The following RUNX2 variants were observed in gnomAD, a reference collection of about 807,000 sequenced individuals.
RUNX2 encodes RUNX family transcription factor 2, also known as runt-related transcription factor 2.
RUNX2 carries 10 observed loss-of-function variants against 51.7 expected under a neutral mutation model. The ratio of observed to expected loss-of-function variants is 0.19; its 90% CI spans 0.12 to 0.33. RUNX2 has a LOEUF of 0.33. RUNX2 is among the 10% of genes least tolerant of loss of function. The pLI is 1.00. For missense variants in RUNX2, 562 were observed against 691.3 expected, an observed-to-expected ratio of 0.81 and a Z score of 2.10; for synonymous variants, 276 against 273.6, an observed-to-expected ratio of 1.01 and a Z score of -0.09.
chr6:45,485,689 G>GTATATATATATA (rs1563107039), intron 5 of RUNX2, among the ~76,000 whole-genome samples: 1 of 75,678 alleles, frequency 1.3e-5, no homozygotes, highest in African/African-American at 4.9e-5. Flanking sequence ...GTGTGTGTGT[G>GTATATATATATA]TGTGTGTGTA....
chr6:45,399,374 T>TTTTTTTTC, intron 2 of RUNX2, among the ~76,000 whole-genome samples: 1 of 129,164 alleles, frequency 7.7e-6, no homozygotes, highest in Non-Finnish European at 1.6e-5. Context: ...TTTTTTTTTT[T>TTTTTTTTC]TTTGAGATGG....
chr6:45,399,374 T>TTTTTTTC (rs1200862976), intron 2 of RUNX2, among the ~76,000 whole-genome samples: 13 of 129,164 alleles, frequency 1.0e-4, no homozygotes, highest in Admixed American at 1.6e-4. Context: ...TTTTTTTTTT[T>TTTTTTTC]TTTGAGATGG....
intron 2 of RUNX2, among the ~76,000 whole-genome samples, chr6:45,420,774 G>A (rs1301545576): frequency 6.6e-6 from 1 of 152,186 alleles, no homozygotes; most frequent in African/African-American, 2.4e-5. Context: ...GGATTTCCCG[G>A]CTTCTGCGGG....
At chr6:45,384,913 A>G (rs1350790078) in intron 2 of RUNX2, among the ~76,000 whole-genome samples, 1 of 151,812 alleles carries the variant, frequency 6.6e-6, no homozygotes, top group Non-Finnish European at 1.5e-5. Flanking sequence ...TATGTTGCCC[A>G]AGCTGATCTC....
At chr6:45,520,062 C>T (rs1801458324) in intron 7 of RUNX2, among the ~76,000 whole-genome samples, 2 of 152,036 alleles carry the variant, frequency 1.3e-5, no homozygotes, top group East Asian at 1.9e-4. Context: ...GAACTCCTGA[C>T]CTCAGGTGAT....
intron 6 of RUNX2, among the ~76,000 whole-genome samples, chr6:45,494,650 G>A (rs929121995): frequency 6.6e-6 from 1 of 152,114 alleles, no homozygotes; most frequent in Non-Finnish European, 1.5e-5. Flanking sequence ...TATTGTGAGT[G>A]AGAGAATGCC....
At chr6:45,436,844 G>A (rs917943105) in intron 4 of RUNX2, among the ~76,000 whole-genome samples, 1 of 152,126 alleles carries the variant, frequency 6.6e-6, no homozygotes, top group Non-Finnish European at 1.5e-5. Context: ...TTCAGTAAGG[G>A]AAAAAGAATC....
intron 6 of RUNX2, among the ~76,000 whole-genome samples, chr6:45,510,838 C>A (rs1801121039): frequency 6.6e-6 from 1 of 151,674 alleles, no homozygotes; most frequent in South Asian, 2.1e-4. Context: ...ATTTTCATAT[C>A]CTTATGATTC....
At chr6:45,328,570 T>C in intron 1 of RUNX2, 91 bp from the exon 2 acceptor site, 2 of 1,580,340 alleles carry the variant, frequency 1.3e-6, no homozygotes, top group South Asian at 1.2e-5. Context: ...AGCTACATAA[T>C]TTCTTGACAG....
rs189188596 is a variant in RUNX2, at chr6:45,464,053, C to A, written c.685+26002C>A. Reference sequence around the variant, plus strand: ...CTAAAAATACAAAAAATTAGCCAGGCGTGGTGGCAGGTGCCTGTAGTCCCA... The same window carrying A: ...CTAAAAATACAAAAAATTAGCCAGGAGTGGTGGCAGGTGCCTGTAGTCCCA... On this transcript the variant is annotated intron_variant, in intron 5 of 8. Transcript: ENST00000647337. 1.7e-4 allele frequency among the ~76,000 whole-genome samples: 26 copies of A among 152,214 alleles called. No homozygotes were observed. In the East Asian group the frequency reaches 4.6e-3, roughly 27 times the overall value.
chr6:45,363,953 A>G (rs977436754), intron 2 of RUNX2, among the ~76,000 whole-genome samples: 5 of 151,882 alleles, frequency 3.3e-5, no homozygotes, highest in Non-Finnish European at 5.9e-5. Flanking sequence ...TGTCTCTACT[A>G]AAAATACAAA....
chr6:45,420,138 C>T (rs1214317160), intron 2 of RUNX2, among the ~76,000 whole-genome samples: 1 of 152,174 alleles, frequency 6.6e-6, no homozygotes, highest in Non-Finnish European at 1.5e-5. Flanking sequence ...CTACCCCGCA[C>T]CCCCACCTCT....
intron 5 of RUNX2, among the ~76,000 whole-genome samples, chr6:45,465,049 A>G (rs890162479): frequency 2.6e-5 from 4 of 152,206 alleles, no homozygotes; most frequent in Non-Finnish European, 5.9e-5. Context: ...AGCTGGGGAA[A>G]TACTTTAGAA....
At chr6:45,408,481 G>A (rs1797884162) in intron 2 of RUNX2, among the ~76,000 whole-genome samples, 1 of 152,050 alleles carries the variant, frequency 6.6e-6, no homozygotes, top group Admixed American at 6.6e-5. Flanking sequence ...AAACTACCTT[G>A]ATGCAATGCA....
At chr6:45,423,738 T>A (rs1798303693) in intron 3 of RUNX2, among the ~76,000 whole-genome samples, 1 of 152,100 alleles carries the variant, frequency 6.6e-6, no homozygotes, top group African/African-American at 2.4e-5. Context: ...CCGCGCCAGA[T>A]CCCGTTACCG....
intron 2 of RUNX2, among the ~76,000 whole-genome samples, chr6:45,393,249 G>A (rs1797509454): frequency 6.6e-6 from 1 of 152,030 alleles, no homozygotes; most frequent in South Asian, 2.1e-4. Flanking sequence ...AATATTTCTT[G>A]TAATTTTTTG....
intron 7 of RUNX2, among the ~76,000 whole-genome samples, chr6:45,517,423 G>T (rs1391648901): frequency 2.0e-5 from 3 of 152,064 alleles, no homozygotes; most frequent in Admixed American, 2.0e-4. Flanking sequence ...TGATCCTCTT[G>T]CCTTGGCCTC....
At chr6:45,518,143 C>T (rs1477094589) in intron 7 of RUNX2, among the ~76,000 whole-genome samples, 2 of 152,178 alleles carry the variant, frequency 1.3e-5, no homozygotes, top group Non-Finnish European at 2.9e-5. Flanking sequence ...TTAAGAGCCA[C>T]CTGTTTGGTA....
At chr6:45,362,919 A>G (rs931471497) in intron 2 of RUNX2, among the ~76,000 whole-genome samples, 2 of 152,188 alleles carry the variant, frequency 1.3e-5, no homozygotes, top group East Asian at 3.9e-4. Context: ...AAAAGAATAT[A>G]ATACTCTACA....
Sources: allele counts gnomAD v4.1 joint callset (sites outside exome capture counted in the v4.1 genomes callset), GRCh38; gene constraint gnomAD v4.1.1; transcripts MANE v1.5; gene names NCBI Gene and HGNC (gene_info 2026-07-23, HGNC 2026-07-21).